Variants in MGAM observed in about 807,000 individuals in gnomAD.
MGAM encodes maltase-glucoamylase.
In MGAM, 253 loss-of-function variants were observed where a neutral mutation model predicts 358.8. The observed-to-expected ratio is 0.71, with a 90% CI of 0.64 to 0.78. The LOEUF (loss-of-function observed/expected upper bound fraction) is 0.78, where lower values mean the gene tolerates loss of function less well. Ranked by LOEUF, MGAM falls within the 30% of genes least tolerant of loss-of-function variation. The pLI is 0.00. For missense variants in MGAM, 3,080 were observed against 3,432.6 expected, an observed-to-expected ratio of 0.90 and a Z score of 2.57; for synonymous variants, 1,105 against 1,227.1, an observed-to-expected ratio of 0.90 and a Z score of 2.08.
rs574051489 is a variant in MGAM at position 142,034,398 on chromosome 7, T to C, written c.1787+19T>C. 30 of 1,429,866 alleles carry C rather than the reference T, an allele frequency of 2.1e-5. No individual in the cohort carries two copies. In the South Asian group the frequency reaches 3.6e-4, roughly 17 times the overall value. The allele number at this position is 1,429,866 out of a possible 1,614,324, so 88.6% of individuals were successfully genotyped here. On this transcript the variant is annotated intron_variant, in intron 15 of 70. Coordinates refer to ENST00000475668, the MANE Select transcript of MGAM (RefSeq NM_001365693.1). ...CAGCAGAGTAAGGCCACTATGGCTA[T>C]GACCTGCTAATTATTGAATATAAAG...
At chr7:142,088,725 C>CTGTA (rs1815014816) in intron 57 of MGAM, among the ~76,000 whole-genome samples, 1 of 91,902 alleles carries the variant, frequency 1.1e-5, no homozygotes. Flanking sequence ...TCATTTATGT[C>CTGTA]TGTCTGTCTG....
intron 1 of MGAM, among the ~76,000 whole-genome samples, chr7:142,003,943 T>G (rs577794455): frequency 6.6e-6 from 1 of 152,110 alleles, no homozygotes; most frequent in Non-Finnish European, 1.5e-5. Flanking sequence ...GAAAAAATGC[T>G]CAACATCACT....
Position 142,079,840 on chromosome 7 carries a change from C to T in MGAM, c.5847+832C>T, listed in dbSNP as rs1478987325. On this transcript the variant is annotated intron_variant, in intron 49 of 70. Coordinates refer to ENST00000475668, the MANE Select transcript of MGAM (RefSeq NM_001365693.1). ...ACCCGAATTCTGAGTTTTTGTACAT[C>T]GTCTAATGCAGGGATGATGCTGTTG... 1.4e-4 allele frequency among the ~76,000 whole-genome samples: 20 copies of T among 146,260 alleles called. 3 individuals carry two copies. The highest frequency in any genetic ancestry group is 7.6e-4 in the Admixed American group (11 of 14,550).
At chr7:142,022,080 G>T (rs1185385598) in intron 6 of MGAM, among the ~76,000 whole-genome samples, 188 bp from the exon 7 acceptor site, 1 of 152,088 alleles carries the variant, frequency 6.6e-6, no homozygotes, top group African/African-American at 2.4e-5. Context: ...CAAGAAATTT[G>T]CACATGGTCC....
At chr7:142,032,440 A>T (rs899761420) in intron 13 of MGAM, among the ~76,000 whole-genome samples, 5 of 152,080 alleles carry the variant, frequency 3.3e-5, no homozygotes, top group Admixed American at 2.0e-4. Context: ...CTAGACCTTT[A>T]TGTGCTCTCT....
chr7:142,087,131 A>G lies in MGAM; in HGVS notation c.6810+414A>G, dbSNP rs550017580. ...CCCTTTTAAACAGTCTTCTAACCTC[A>G]AAGACTGTTTAGGTCTTTTTTTGGT... On this transcript the variant is annotated intron_variant, in intron 57 of 70. Coordinates refer to ENST00000475668, the MANE Select transcript of MGAM (RefSeq NM_001365693.1). Among the ~76,000 whole-genome samples, 44 of 143,842 alleles carry G rather than the reference A, an allele frequency of 3.1e-4. 5 individuals carry two copies. The highest frequency in any genetic ancestry group is 3.6e-3 in the Middle Eastern group (1 of 274). 94.4% of individuals were successfully genotyped at this position (143,842 alleles called of 152,430 possible).
At chr7:141,988,373 GT>G (rs143126383) in intron 2 of MGAM, among the ~76,000 whole-genome samples, 18,168 of 150,156 alleles carry the variant, frequency 0.12, 1,438 homozygotes, top group Non-Finnish European at 0.17. Flanking sequence ...GTCGTTTTTT[GT>G]TTTGTTTTGA....
intron 30 of MGAM, among the ~76,000 whole-genome samples, chr7:142,057,945 G>A (rs1301625729): frequency 1.3e-5 from 2 of 152,042 alleles, no homozygotes; most frequent in Non-Finnish European, 2.9e-5. Flanking sequence ...TCTGATTCTG[G>A]GTTTCTTAAC....
chr7:141,992,522 A>G (rs782023596), upstream of MGAM, among the ~76,000 whole-genome samples: 9 of 152,140 alleles, frequency 5.9e-5, no homozygotes, highest in Non-Finnish European at 1.2e-4. Flanking sequence ...CAGTTTAGAC[A>G]TTTGCTGCCT....
At chr7:142,035,563 T>G (rs782680909) in intron 16 of MGAM, among the ~76,000 whole-genome samples, 1 of 152,096 alleles carries the variant, frequency 6.6e-6, no homozygotes, top group African/African-American at 2.4e-5. Context: ...AAAGTGAGTA[T>G]TTTTTCATCT....
intron 47 of MGAM, among the ~76,000 whole-genome samples, chr7:142,077,201 A>G (rs1813820637): frequency 6.9e-6 from 1 of 145,814 alleles, no homozygotes; most frequent in Non-Finnish European, 1.6e-5. Flanking sequence ...AAGAATTGGT[A>G]TTTGAAAAAG....
chr7:142,050,960 G>A, intron 24 of MGAM, 96 bp downstream of exon 24: 1 of 1,540,788 alleles, frequency 6.5e-7, no homozygotes. Flanking sequence ...TGAAGGACCA[G>A]GGCACCTTTG....
At chr7:141,991,004 C>T (rs544621276), upstream of MGAM, among the ~76,000 whole-genome samples, 4 of 152,308 alleles carry the variant, frequency 2.6e-5, no homozygotes, top group East Asian at 3.9e-4. Flanking sequence ...GGAGGAATCA[C>T]GCTCATCTAT....
chr7:142,021,733 G>A lies in MGAM; in HGVS notation c.706G>A (p.Val236Ile). The A allele has an allele frequency of 6.2e-7, 1 of 1,613,862 alleles. No individual in the cohort carries two copies. Among genetic ancestry groups the A allele is most frequent in the Non-Finnish European group, 8.5e-7 (1 of 1,179,786 alleles). The stretch of plus-strand genomic sequence containing the variant: ...AGTGACCAGAAGAAGCAACAATCGT[G>A]TTTTGTAAGTTTTGGAAACCTATCT... Reference protein sequence around the residue: ...IKVTRRSNNRVLFDSSIGPLL... With the variant: ...IKVTRRSNNRILFDSSIGPLL... The change falls in exon 6 of 71, where the codon GTT becomes ATT. Residue 236 changes from valine (V) to isoleucine (I), a missense_variant. Physicochemically the swap from Val to Ile is conservative, Grantham distance 29. This residue lies in a region of MGAM where 1,816 missense variants were observed against 1,840.5 expected (regional missense o/e 0.99). Transcript: ENST00000475668.
At chr7:142,029,798 C>A (rs1433875263) in intron 10 of MGAM, among the ~76,000 whole-genome samples, 3 of 152,108 alleles carry the variant, frequency 2.0e-5, no homozygotes, top group Admixed American at 2.0e-4. Flanking sequence ...TAGAATAATC[C>A]TCTTCTCTCC....
chr7:142,103,355 G>A lies in MGAM; in HGVS notation c.8100G>A (p.Val2700=). The change falls in exon 70 of 71, where the codon GTG becomes GTA. Residue 2700 remains valine (V), a synonymous_variant. Transcript: ENST00000475668. ...TGGGCTACATTGAAATCTGGGGAGT[G>A]GGCAGTGTCCCCGTTACCAGTGTCA... ...LKLGYIEIWG[V]GSVPVTSVSI... The A allele has an allele frequency of 6.2e-7, 1 of 1,613,008 alleles. No homozygotes were observed. Among genetic ancestry groups the A allele is most frequent in the Non-Finnish European group, 8.5e-7 (1 of 1,179,392 alleles).
Position 142,008,663 on chromosome 7 carries a change from A to C in MGAM, c.285A>C (p.Glu95Asp), listed in dbSNP as rs781928648. The change falls in exon 3 of 71, where the codon GAA (glutamate) becomes GAC (aspartate). Residue 95 changes from glutamate (E) to aspartate (D), a missense_variant. Around this residue, in one of 5 missense-constraint regions of MGAM, gnomAD observed 1,816 missense variants for 1,840.5 expected, o/e 0.99. Coordinates refer to ENST00000475668, the MANE Select transcript of MGAM (RefSeq NM_001365693.1). ...PVSAECPVVNELERINCIPDQ... is the reference protein window; with the variant it reads ...PVSAECPVVNDLERINCIPDQ... ...CTGCTGAATGTCCAGTGGTAAATGA[A>C]TTGGAACGAATTAATTGCATCCCTG... 1 of 1,613,384 alleles carries C rather than the reference A, an allele frequency of 6.2e-7. No homozygotes were observed. Among genetic ancestry groups the C allele is most frequent in the Non-Finnish European group, 8.5e-7 (1 of 1,179,622 alleles).
chr7:141,999,592 A>G (rs1804573044), intron 1 of MGAM, among the ~76,000 whole-genome samples: 1 of 152,216 alleles, frequency 6.6e-6, no homozygotes, highest in South Asian at 2.1e-4. Flanking sequence ...GCATGTGACA[A>G]ATTATGGAAA....
At position 142,030,770 on chromosome 7, in the gene MGAM, G is replaced by A. The variant is rs369510681; in HGVS notation, c.1470+13G>A. 1.2e-5 allele frequency: 19 copies of A among 1,553,752 alleles called. No individual in the cohort carries two copies. The African/African-American group carries it at 2.6e-4, about 21-fold the overall frequency. On this transcript the variant is annotated intron_variant, in intron 12 of 70. Coordinates refer to ENST00000475668, the MANE Select transcript of MGAM (RefSeq NM_001365693.1). ...ACTCATTGGGGAGGTAACTTAATGG[G>A]AAGGCTGGAGGCTGGTGGAGGGGCT...
Sources: allele counts gnomAD v4.1 joint callset (sites outside exome capture counted in the v4.1 genomes callset), GRCh38; gene constraint gnomAD v4.1.1; regional missense constraint gnomAD v4.1.1; transcripts MANE v1.5; gene names NCBI Gene and HGNC (gene_info 2026-07-23, HGNC 2026-07-21).